ERBB4: variants seen among roughly 807,000 people sequenced by gnomAD.
ERBB4 encodes the protein receptor tyrosine-protein kinase erbB-4.
A neutral mutation model predicts 158.0 loss-of-function variants in ERBB4; 42 were observed. The ratio of observed to expected loss-of-function variants is 0.27; its 90% CI spans 0.21 to 0.34. The LOEUF (loss-of-function observed/expected upper bound fraction) is 0.34, where lower values mean the gene tolerates loss of function less well. ERBB4 is among the 10% of genes least tolerant of loss of function. The probability of loss-of-function intolerance (pLI) is 1.00; values close to 1 mark genes in which losing one functional copy is unlikely to be tolerated. For synonymous variants in ERBB4, 583 were observed against 558.7 expected (o/e 1.04, Z -0.61); for missense variants, 1,333 against 1,624.1 (o/e 0.82, Z 3.08).
At chr2:212,179,854 A>C (rs2081800357) in intron 1 of ERBB4, among the ~76,000 whole-genome samples, 2 of 151,754 alleles carry the variant, frequency 1.3e-5, no homozygotes, top group Middle Eastern at 3.4e-3. Context: ...AAATCTTCAT[A>C]CATTTCTCAC....
intron 25 of ERBB4, among the ~76,000 whole-genome samples, chr2:211,406,920 A>C (rs1159090794): frequency 6.7e-6 from 1 of 149,636 alleles, no homozygotes. Context: ...ACCTCAACAA[A>C]AAATAAAAAA....
At chr2:211,570,423 C>T (rs143459655) in intron 19 of ERBB4, among the ~76,000 whole-genome samples, 1,583 of 151,122 alleles carry the variant, frequency 0.01, 17 homozygotes, top group Non-Finnish European at 0.016. Context: ...ACCTTGGCCC[C>T]CCAAAGTGCT....
intron 1 of ERBB4, among the ~76,000 whole-genome samples, chr2:212,134,896 T>G (rs58639003): frequency 0.044 from 6,612 of 151,874 alleles, 191 homozygotes; most frequent in Non-Finnish European, 0.065. Context: ...CCGTGTCAGC[T>G]AGGATGGTCT....
chr2:212,214,933 A>C (rs1574450580), intron 1 of ERBB4, among the ~76,000 whole-genome samples: 2 of 151,800 alleles, frequency 1.3e-5, no homozygotes, highest in East Asian at 3.9e-4. Flanking sequence ...AAAATGATTA[A>C]AATACTGGTA....
At chr2:212,064,988 GGTGTGTGTGTGTGTGTGTGT>G (rs34396660) in intron 2 of ERBB4, among the ~76,000 whole-genome samples, 1 of 143,284 alleles carries the variant, frequency 7.0e-6, no homozygotes, top group African/African-American at 2.6e-5. Flanking sequence ...ACATCTTTAT[GGTGTGTGTGTGTGTGTGTGT>G]GTGTGTGTGT....
intron 2 of ERBB4, among the ~76,000 whole-genome samples, chr2:211,979,816 C>T (rs978573932): frequency 6.6e-6 from 1 of 152,142 alleles, no homozygotes; most frequent in Non-Finnish European, 1.5e-5. Context: ...TTCTTACTAT[C>T]TGGATCAATC....
At chr2:211,494,632 C>T (rs1406117686) in intron 20 of ERBB4, among the ~76,000 whole-genome samples, 1 of 152,102 alleles carries the variant, frequency 6.6e-6, no homozygotes, top group Non-Finnish European at 1.5e-5. Context: ...TAATTACCTA[C>T]TTGCCACCTA....
chr2:211,699,907 C>T (rs1053510204), intron 12 of ERBB4, among the ~76,000 whole-genome samples: 2 of 151,890 alleles, frequency 1.3e-5, no homozygotes, highest in African/African-American at 2.4e-5. Context: ...ATCTTGCTTC[C>T]CTACATTTAT....
chr2:212,332,593 A>G (rs949199096), intron 1 of ERBB4, among the ~76,000 whole-genome samples: 23 of 151,968 alleles, frequency 1.5e-4, no homozygotes, highest in Admixed American at 5.3e-4. Flanking sequence ...TAATGCTGTC[A>G]TTATTATTTT....
chr2:211,692,740 G>T (rs947294992), intron 12 of ERBB4, among the ~76,000 whole-genome samples: 1 of 151,990 alleles, frequency 6.6e-6, no homozygotes, highest in African/African-American at 2.4e-5. Flanking sequence ...ATAACTTTAG[G>T]ATAATCATTC....
At chr2:212,193,779 A>C (rs1300397330) in intron 1 of ERBB4, among the ~76,000 whole-genome samples, 1 of 152,032 alleles carries the variant, frequency 6.6e-6, no homozygotes, top group Non-Finnish European at 1.5e-5. Context: ...AAAATCACCT[A>C]CCTAGGGATG....
chr2:211,493,143 T>A (rs777752391), intron 20 of ERBB4, among the ~76,000 whole-genome samples: 2 of 152,100 alleles, frequency 1.3e-5, no homozygotes, highest in African/African-American at 4.8e-5. Context: ...CAGCTTTCCA[T>A]TGTAGTTGCT....
In ERBB4 at chr2:211,712,694, C is replaced by T. The variant is rs778860837; in HGVS notation, c.998-518G>A. 2.4e-4 allele frequency among the ~76,000 whole-genome samples: 37 copies of T among 151,830 alleles called. 1 individual carries two copies. The highest frequency in any genetic ancestry group is 7.2e-4 in the Admixed American group (11 of 15,240). On this transcript the variant is annotated intron_variant, in intron 8 of 27. Coordinates refer to ENST00000342788, the MANE Select transcript of ERBB4 (RefSeq NM_005235.3). ...GTGAATTATAACCAAAATCAAGGGC[C>T]ATTCAAATATTTATGCTTAAATTGA...
chr2:211,596,700 C>A (rs1160933025), intron 19 of ERBB4, among the ~76,000 whole-genome samples: 2 of 151,896 alleles, frequency 1.3e-5, no homozygotes, highest in African/African-American at 4.8e-5. Flanking sequence ...TGATCTATCT[C>A]TTCATGAAAT....
chr2:211,509,802 T>A (rs1441515948), intron 20 of ERBB4, among the ~76,000 whole-genome samples: 1 of 152,032 alleles, frequency 6.6e-6, no homozygotes, highest in African/African-American at 2.4e-5. Context: ...AGACTTTGCT[T>A]GAAAGAAGAC....
Position 212,538,637 on chromosome 2 carries a change from AG to A in ERBB4, c.-108del, listed in dbSNP as rs1297415224. The A allele has an allele frequency of 6.6e-6, 8 of 1,206,574 alleles. No individual in the cohort carries two copies. Among genetic ancestry groups the A allele is most frequent in the South Asian group, 3.7e-5 (3 of 80,808 alleles). 74.7% of individuals were successfully genotyped at this position (1,206,574 alleles called of 1,614,324 possible). A position where few individuals can be genotyped will look rare whatever the true frequency, so the allele number is the denominator to read the frequency against. On this transcript the variant is annotated 5_prime_UTR_variant, in exon 1 of 28. Transcript: ENST00000342788. ...CCAGCCGGGCGCGCGTGGGGGTGCG[AG>A]GGGGGCGGGCGCGGCGCGCGCGGTG... is the stretch of plus-strand genomic sequence containing the variant.
At chr2:212,117,313 T>A (rs1055864502) in intron 2 of ERBB4, among the ~76,000 whole-genome samples, 1 of 152,186 alleles carries the variant, frequency 6.6e-6, no homozygotes, top group African/African-American at 2.4e-5. Context: ...AAAAGTTCCA[T>A]CACCATCTCT....
At chr2:211,857,673 A>C (rs750869908) in intron 3 of ERBB4, among the ~76,000 whole-genome samples, 14 of 152,200 alleles carry the variant, frequency 9.2e-5, no homozygotes, top group Non-Finnish European at 1.2e-4. Flanking sequence ...CTTTCAAATA[A>C]ATTATTTGCC....
intron 2 of ERBB4, among the ~76,000 whole-genome samples, chr2:212,065,111 C>A (rs1039870651): frequency 2.0e-5 from 3 of 151,674 alleles, no homozygotes; most frequent in East Asian, 3.9e-4. Flanking sequence ...TTACTAATCA[C>A]CCCTACTAGA....
Sources: allele counts gnomAD v4.1 joint callset (sites outside exome capture counted in the v4.1 genomes callset), GRCh38; gene constraint gnomAD v4.1.1; transcripts MANE v1.5; gene names NCBI Gene and HGNC (gene_info 2026-07-23, HGNC 2026-07-21).